The following ZBTB46 variants were observed in gnomAD, a reference collection of about 807,000 sequenced individuals.
ZBTB46 encodes zinc finger and BTB domain-containing protein 46.
ZBTB46 carries 8 observed loss-of-function variants against 44.1 expected under a neutral mutation model. That is an observed-to-expected ratio of 0.18 (90% CI 0.11 to 0.33). The LOEUF (loss-of-function observed/expected upper bound fraction) is 0.33. Ranked by LOEUF, ZBTB46 falls within the 10% of genes least tolerant of loss-of-function variation. The pLI, the probability that ZBTB46 is intolerant of heterozygous loss-of-function variation, is 1.00. For missense variants in ZBTB46, 651 were observed against 847.7 expected, an observed-to-expected ratio of 0.77 and a Z score of 2.88; for synonymous variants, 409 against 382.3, an observed-to-expected ratio of 1.07 and a Z score of -0.81.
At chr20:63,833,696 G>A (rs545267323), upstream of ZBTB46, among the ~76,000 whole-genome samples, 4 of 152,190 alleles carry the variant, frequency 2.6e-5, no homozygotes, top group African/African-American at 7.2e-5. Context: ...CTTCCCCCTC[G>A]GCAACACTGC....
intron 1 of ZBTB46, among the ~76,000 whole-genome samples, chr20:63,801,610 T>C (rs1167179762): frequency 6.6e-6 from 1 of 152,226 alleles, no homozygotes; most frequent in African/African-American, 2.4e-5. Context: ...ACTGTCTTTA[T>C]GAGCTGTAAG....
At chr20:63,831,359 C>G (rs895583680), upstream of ZBTB46, 1 of 141,556 alleles carries the variant, frequency 7.1e-6, no homozygotes, top group Non-Finnish European at 1.6e-5. Flanking sequence ...CGCGCCCGGC[C>G]GCCGCTGATT....
At position 63,803,766 on chromosome 20, in the gene ZBTB46, G is replaced by C. The variant is rs1012151650; in HGVS notation, c.-33-12976C>G. On this transcript the variant is annotated intron_variant, in intron 1 of 4. Coordinates refer to ENST00000245663, the MANE Select transcript of ZBTB46 (RefSeq NM_001369741.1). The surrounding 1 kb of genome is among the most constrained non-coding windows in gnomAD (Gnocchi z 4.0). Reference sequence around the variant, plus strand: ...TCTGTCCCCCAGGCTGGAGTGCAGTGGCGCAATCTCGGCTCACTGCAGCCT... The same window carrying C: ...TCTGTCCCCCAGGCTGGAGTGCAGTCGCGCAATCTCGGCTCACTGCAGCCT... 1.3e-5 allele frequency among the ~76,000 whole-genome samples: 2 copies of C among 152,152 alleles called. No homozygotes were observed. The highest frequency in any genetic ancestry group is 1.3e-4 in the Admixed American group (2 of 15,276).
At chr20:63,783,073 T>G (rs2145898535) in intron 2 of ZBTB46, among the ~76,000 whole-genome samples, 1 of 151,988 alleles carries the variant, frequency 6.6e-6, no homozygotes, top group Non-Finnish European at 1.5e-5. Context: ...GAGGCTGCCG[T>G]GAGCCGAGAT....
rs535280544 is a variant in ZBTB46, at chr20:63,790,673, C to T, written c.85G>A (p.Val29Ile). 43 of 1,611,746 alleles carry T rather than the reference C, an allele frequency of 2.7e-5. No individual in the cohort carries two copies. Among genetic ancestry groups the T allele is most frequent in the African/African-American group, 8.0e-5 (6 of 74,944 alleles). The change falls in exon 2 of 5, where the codon GTC (valine) becomes ATC (isoleucine). Residue 29 changes from valine (V) to isoleucine (I), a missense_variant. Val to Ile is a conservative substitution (Grantham distance 29, BLOSUM62 3). Around this residue, in one of 5 missense-constraint regions of ZBTB46, gnomAD observed 65 missense variants for 167.9 expected, o/e 0.39. Transcript: ENST00000245663. ...RELNEQRQHG[V>I]LCDVCVVVEG... Reference sequence around the variant, plus strand: ...ACGACCACGCAGACGTCGCACAGGACGCCGTGCTGCCTCTGCTCGTTGAGC... The same window carrying T: ...ACGACCACGCAGACGTCGCACAGGATGCCGTGCTGCCTCTGCTCGTTGAGC...
In ZBTB46 at chr20:63,813,551, C is replaced by T. The variant is rs181497392; in HGVS notation, c.-34+17546G>A. Among the ~76,000 whole-genome samples, 424 of 152,306 alleles carry T rather than the reference C, an allele frequency of 2.8e-3. 1 individual carries two copies. The highest frequency in any genetic ancestry group is 9.5e-3 in the African/African-American group (393 of 41,572). The stretch of plus-strand genomic sequence containing the variant: ...TAACTGCTCCCCTGCCACTGCCCTG[C>T]GCGGGCGAGTCCCAGCCCTCCCGCC... On this transcript the variant is annotated intron_variant, in intron 1 of 4. Transcript: ENST00000245663.
intron 1 of ZBTB46, among the ~76,000 whole-genome samples, chr20:63,829,668 C>A (rs2092837513): frequency 6.6e-6 from 1 of 152,246 alleles, no homozygotes; most frequent in South Asian, 2.1e-4. Flanking sequence ...GTAAAACACA[C>A]CGAGCAGAAA....
rs2092660272 is a variant in ZBTB46 at position 63,803,197 on chromosome 20, A to C, written c.-33-12407T>G. The C allele has an allele frequency of 1.7e-6, 1 of 582,720 alleles. No individual in the cohort carries two copies. Among genetic ancestry groups the C allele is most frequent in the South Asian group, 7.5e-5 (1 of 13,322 alleles). 36.1% of individuals were successfully genotyped at this position (582,720 alleles called of 1,614,324 possible). A position where few individuals can be genotyped will look rare whatever the true frequency, so the allele number is the denominator to read the frequency against. On this transcript the variant is annotated intron_variant, in intron 1 of 4. Transcript: ENST00000245663. This position sits in a 1 kb window ranked among gnomAD's most constrained non-coding sequence, Gnocchi z 4.0. ...GGGACCAGTGTGGGCACCATCCCCC[A>C]GGGCGCCTCACCAGCAGGAACCAGG...
chr20:63,758,801 A>G (rs1378492649), intron 3 of ZBTB46, among the ~76,000 whole-genome samples: 2 of 149,258 alleles, frequency 1.3e-5, no homozygotes, highest in Admixed American at 6.8e-5. Context: ...GTGCGATCTC[A>G]GCTCATTGCA....
chr20:63,757,237 C>T (rs932007711), intron 3 of ZBTB46, among the ~76,000 whole-genome samples: 2 of 152,136 alleles, frequency 1.3e-5, no homozygotes, highest in Non-Finnish European at 1.5e-5. Flanking sequence ...ATTCTCCTGC[C>T]TCAGCCTCTC....
At chr20:63,778,572 G>A (rs1601447784) in intron 2 of ZBTB46, among the ~76,000 whole-genome samples, 1 of 152,192 alleles carries the variant, frequency 6.6e-6, no homozygotes, top group Non-Finnish European at 1.5e-5. Flanking sequence ...TGTGGCAGGT[G>A]GGCAGGGCCC....
chr20:63,765,074 TGC>T (rs1491075189), intron 3 of ZBTB46, among the ~76,000 whole-genome samples: 10 of 103,714 alleles, frequency 9.6e-5, no homozygotes, highest in African/African-American at 4.2e-4. Flanking sequence ...TGTGCATGTG[TGC>T]GTGTGCATGT....
intron 3 of ZBTB46, among the ~76,000 whole-genome samples, chr20:63,770,352 CAG>C (rs1189991925): frequency 1.4e-5 from 2 of 147,404 alleles, no homozygotes; most frequent in South Asian, 2.2e-4. Context: ...TGTCTAGTAA[CAG>C]AGAGGAGGCC....
chr20:63,793,536 A>G (rs908962944), intron 1 of ZBTB46, among the ~76,000 whole-genome samples: 4 of 152,234 alleles, frequency 2.6e-5, no homozygotes, highest in African/African-American at 9.6e-5. Context: ...TATCCAGGCT[A>G]GGAAGCTGAC....
chr20:63,763,400 G>T (rs2092293475), intron 3 of ZBTB46, among the ~76,000 whole-genome samples: 1 of 152,148 alleles, frequency 6.6e-6, no homozygotes, highest in Non-Finnish European at 1.5e-5. Flanking sequence ...ATTGGCTCAC[G>T]GTTCTGCAGG....
At chr20:63,804,724 T>C (rs2092670561) in intron 1 of ZBTB46, among the ~76,000 whole-genome samples, 1 of 151,808 alleles carries the variant, frequency 6.6e-6, no homozygotes. Context: ...AAACCCCGTC[T>C]CTACCAAAAT....
intron 3 of ZBTB46, among the ~76,000 whole-genome samples, chr20:63,769,838 AAC>A (rs1490993065): frequency 1.3e-5 from 2 of 152,196 alleles, no homozygotes; most frequent in Non-Finnish European, 2.9e-5. Flanking sequence ...ACCACAGGGA[AAC>A]AGTCTTTAAA....
chr20:63,746,666 A>C lies in ZBTB46; in HGVS notation c.*264T>G. 1 of 463,716 alleles carries C rather than the reference A, an allele frequency of 2.2e-6. No individual in the cohort carries two copies. The highest frequency in any genetic ancestry group is 3.7e-6 in the Non-Finnish European group (1 of 270,024). 28.7% of individuals were successfully genotyped at this position (463,716 alleles called of 1,614,324 possible). A position where few individuals can be genotyped will look rare whatever the true frequency, so the allele number is the denominator to read the frequency against. The stretch of plus-strand genomic sequence containing the variant: ...CACACACCCGCACCACCTGCTGGGG[A>C]CTTAGGACCGTGCTCTCCCTTCACT... On this transcript the variant is annotated 3_prime_UTR_variant, in exon 5 of 5. Transcript: ENST00000245663.
chr20:63,777,011 G>A (rs927236359), intron 2 of ZBTB46, among the ~76,000 whole-genome samples: 1 of 148,386 alleles, frequency 6.7e-6, no homozygotes, highest in Non-Finnish European at 1.5e-5. Context: ...TACGGTTCCA[G>A]CACACGCCAC....
Sources: gnomAD v4.1 joint callset for allele counts (sites outside exome capture counted in the v4.1 genomes callset) on GRCh38, gnomAD v4.1.1 for gene constraint, gnomAD v4.1.1 regional missense constraint, Gnocchi (gnomAD v3.1) non-coding constraint, MANE v1.5 for transcripts, NCBI Gene and HGNC (gene_info 2026-07-23, HGNC 2026-07-21) for gene names.